The following CDKAL1 variants were observed in gnomAD, a reference collection of about 807,000 sequenced individuals.
CDKAL1 encodes CDKAL1 threonylcarbamoyladenosine tRNA methylthiotransferase.
Under a neutral mutation model 68.2 loss-of-function variants are expected in CDKAL1, and 32 were observed. That is an observed-to-expected ratio of 0.47 (90% CI 0.35 to 0.63). CDKAL1 has a LOEUF of 0.63. Among genes scored for constraint, CDKAL1 ranks in the 30% least tolerant of loss-of-function variants. The pLI is 0.00. For synonymous variants in CDKAL1, 234 were observed against 244.3 expected, an observed-to-expected ratio of 0.96 and a Z score of 0.39; for missense variants, 606 against 696.7, an observed-to-expected ratio of 0.87 and a Z score of 1.47.
At chr6:20,978,155 C>T (rs1263427164) in intron 10 of CDKAL1, among the ~76,000 whole-genome samples, 2 of 152,296 alleles carry the variant, frequency 1.3e-5, no homozygotes, top group East Asian at 1.9e-4. Context: ...TGTGCCTTCC[C>T]AGCTACTATG....
chr6:20,572,370 C>T lies in CDKAL1; in HGVS notation c.286+23665C>T, dbSNP rs150583342. On this transcript the variant is annotated intron_variant, in intron 4 of 15. Coordinates refer to ENST00000274695, the MANE Select transcript of CDKAL1 (RefSeq NM_017774.3). ...ATGAGTACATTACTTTTACCACCTG[C>T]TGAAGTCGACTTGGAGTGACTACTG... is the stretch of plus-strand genomic sequence containing the variant. 5.4e-3 allele frequency among the ~76,000 whole-genome samples: 818 copies of T among 152,246 alleles called. 5 individuals are homozygous for T. Among genetic ancestry groups the T allele is most frequent in the South Asian group, 0.022 (108 of 4,824 alleles).
rs982239992 is a variant in CDKAL1, at chr6:20,948,342, A to G, written c.743-7077A>G. Among the ~76,000 whole-genome samples the G allele has an allele frequency of 3.9e-5, 6 of 152,246 alleles. No individual in the cohort carries two copies. The East Asian group carries it at 1.2e-3, about 29-fold the overall frequency. On this transcript the variant is annotated intron_variant, in intron 9 of 15. Coordinates refer to ENST00000274695, the MANE Select transcript of CDKAL1 (RefSeq NM_017774.3). ...CCAAAGGGAAAGACCTTTAGGACCA[A>G]AACATTAGTCATAAAAATTCTGTCC... is the stretch of plus-strand genomic sequence containing the variant.
chr6:20,571,133 G>A lies in CDKAL1; in HGVS notation c.286+22428G>A, dbSNP rs148446786. 9.7e-4 allele frequency among the ~76,000 whole-genome samples: 148 copies of A among 152,268 alleles called. 2 individuals carry two copies. The East Asian group carries it at 0.016, about 16-fold the overall frequency. On this transcript the variant is annotated intron_variant, in intron 4 of 15. Coordinates refer to ENST00000274695, the MANE Select transcript of CDKAL1 (RefSeq NM_017774.3). ...TGATGTTACGAAGTAAGTACTATAGGTGAAAGAGAGAATAAGAAAAAACTC... is the reference window on the plus strand; with the variant it reads ...TGATGTTACGAAGTAAGTACTATAGATGAAAGAGAGAATAAGAAAAAACTC...
chr6:20,957,532 T>A (rs913479100), intron 10 of CDKAL1, among the ~76,000 whole-genome samples: 1 of 152,196 alleles, frequency 6.6e-6, no homozygotes, highest in Non-Finnish European at 1.5e-5. Context: ...GTCATGACAT[T>A]ATATTTTTTA....
chr6:20,970,543 A>G (rs949373568), intron 10 of CDKAL1, among the ~76,000 whole-genome samples: 2 of 152,224 alleles, frequency 1.3e-5, no homozygotes, highest in Admixed American at 6.5e-5. Flanking sequence ...CTATCAGACC[A>G]TCAATATGTG....
At chr6:21,166,013 G>A (rs1777135015) in intron 13 of CDKAL1, among the ~76,000 whole-genome samples, 1 of 152,190 alleles carries the variant, frequency 6.6e-6, no homozygotes, top group Non-Finnish European at 1.5e-5. Context: ...CTATGCTGTA[G>A]TTCCCGAATC....
intron 9 of CDKAL1, among the ~76,000 whole-genome samples, chr6:20,871,056 T>C (rs1464869515): frequency 1.3e-5 from 2 of 152,192 alleles, no homozygotes; most frequent in Non-Finnish European, 1.5e-5. Flanking sequence ...ACCCACACAA[T>C]TCCAAGGTAC....
At chr6:21,193,209 C>A (rs1037269338) in intron 13 of CDKAL1, among the ~76,000 whole-genome samples, 1 of 152,072 alleles carries the variant, frequency 6.6e-6, no homozygotes, top group African/African-American at 2.4e-5. Flanking sequence ...TGTTTCCTGG[C>A]AGGTACTGTA....
intron 5 of CDKAL1, among the ~76,000 whole-genome samples, chr6:20,666,092 A>G (rs1769529018): frequency 6.6e-6 from 1 of 152,174 alleles, no homozygotes; most frequent in African/African-American, 2.4e-5. Flanking sequence ...CATTATGTTT[A>G]TAAGTTTAAA....
intron 9 of CDKAL1, among the ~76,000 whole-genome samples, chr6:20,912,684 A>T (rs534948560): frequency 6.6e-6 from 1 of 152,308 alleles, no homozygotes; most frequent in Admixed American, 6.5e-5. Context: ...TTTTAACAGA[A>T]TCATAAAGAA....
chr6:20,735,512 C>CGAG lies in CDKAL1; in HGVS notation c.372-4007_372-4006insGAG, dbSNP rs1159273975. ...GAAACGACTCCTATGATTCAGTTAC[C>CGAG]TCCCACTGGGCTCCTCCCGTGATAT... is the stretch of plus-strand genomic sequence containing the variant. On this transcript the variant is annotated intron_variant, in intron 5 of 15. Coordinates refer to ENST00000274695, the MANE Select transcript of CDKAL1 (RefSeq NM_017774.3). Among the ~76,000 whole-genome samples the CGAG allele has an allele frequency of 1.8e-3, 271 of 152,236 alleles. 1 individual carries two copies. The highest frequency in any genetic ancestry group is 6.1e-3 in the African/African-American group (252 of 41,526).
intron 7 of CDKAL1, among the ~76,000 whole-genome samples, chr6:20,778,813 G>C (rs951696029): frequency 6.6e-6 from 1 of 151,934 alleles, no homozygotes; most frequent in Non-Finnish European, 1.5e-5. Flanking sequence ...TTTAAATTGA[G>C]ACTTTTATTT....
intron 4 of CDKAL1, among the ~76,000 whole-genome samples, chr6:20,610,425 C>A (rs1379062775): frequency 6.6e-6 from 1 of 152,120 alleles, no homozygotes; most frequent in Non-Finnish European, 1.5e-5. Flanking sequence ...TTTTTCTCCC[C>A]AACCTTGCCA....
At chr6:20,728,687 C>T (rs1482855815) in intron 5 of CDKAL1, among the ~76,000 whole-genome samples, 1 of 152,064 alleles carries the variant, frequency 6.6e-6, no homozygotes, top group African/African-American at 2.4e-5. Context: ...AACGAAATGA[C>T]AGGGCTAGAA....
intron 13 of CDKAL1, among the ~76,000 whole-genome samples, chr6:21,181,491 T>C: frequency 6.6e-6 from 1 of 152,220 alleles, no homozygotes; most frequent in Admixed American, 6.5e-5. Flanking sequence ...CCTTCTGCCA[T>C]TGGATGATGC....
intron 11 of CDKAL1, among the ~76,000 whole-genome samples, chr6:21,037,753 C>T (rs1364433786): frequency 6.6e-6 from 1 of 152,226 alleles, no homozygotes; most frequent in East Asian, 1.9e-4. Flanking sequence ...GTCATTCAAA[C>T]TGATTCATTC....
chr6:21,180,880 C>T (rs1777760946), intron 13 of CDKAL1, among the ~76,000 whole-genome samples: 1 of 151,912 alleles, frequency 6.6e-6, no homozygotes. Flanking sequence ...TTGTCTTAGT[C>T]TTTTTTTTCT....
chr6:20,767,366 A>G (rs557674775), intron 7 of CDKAL1, among the ~76,000 whole-genome samples: 62 of 152,240 alleles, frequency 4.1e-4, no homozygotes, highest in Admixed American at 7.2e-4. Flanking sequence ...TTTATAGCTG[A>G]TTTCCCTAAA....
chr6:20,947,656 A>C (rs1581892037), intron 9 of CDKAL1, among the ~76,000 whole-genome samples: 1 of 152,142 alleles, frequency 6.6e-6, no homozygotes, highest in African/African-American at 2.4e-5. Context: ...CACCCAACCT[A>C]CTGATCATCA....
Sources: allele counts gnomAD v4.1 joint callset (sites outside exome capture counted in the v4.1 genomes callset), GRCh38; gene constraint gnomAD v4.1.1; transcripts MANE v1.5; gene names NCBI Gene and HGNC (gene_info 2026-07-23, HGNC 2026-07-21).